The following CASKIN2 variants were observed in gnomAD, a reference collection of about 807,000 sequenced individuals.
CASKIN2 encodes the protein CASK interacting protein 2.
CASKIN2 carries 41 observed loss-of-function variants against 107.1 expected under a neutral mutation model. The ratio of observed to expected loss-of-function variants is 0.38; its 90% CI spans 0.30 to 0.50. CASKIN2 has a LOEUF of 0.50. CASKIN2 is among the 20% of genes least tolerant of loss of function. The probability of loss-of-function intolerance (pLI) is 0.92; values close to 1 mark genes in which losing one functional copy is unlikely to be tolerated. For missense variants in CASKIN2, 1,546 were observed against 1,657.4 expected (o/e 0.93, Z 1.17); for synonymous variants, 724 against 705.6 (o/e 1.03, Z -0.41).
intron 13 of CASKIN2, 52 bp downstream of exon 13, chr17:75,504,368 C>G (rs1341504599): frequency 6.3e-7 from 1 of 1,597,670 alleles, no homozygotes; most frequent in African/African-American, 1.3e-5. Context: ...CCACCCTCGG[C>G]CTCCTTACTT....
At chr17:75,511,280 C>T (rs1487104239) in intron 2 of CASKIN2, among the ~76,000 whole-genome samples, 4 of 152,062 alleles carry the variant, frequency 2.6e-5, no homozygotes, top group African/African-American at 4.8e-5. Context: ...AGGCTGGTCT[C>T]GAACTCCTGA....
In CASKIN2 at chr17:75,503,369, G is replaced by A. The variant is rs1259048077; in HGVS notation, c.1819+20C>T. The A allele has an allele frequency of 3.1e-6, 5 of 1,603,708 alleles. No individual in the cohort carries two copies. The African/African-American group carries it at 5.4e-5, about 17-fold the overall frequency. On this transcript the variant is annotated intron_variant, in intron 17 of 19. Transcript: ENST00000321617. Reference sequence around the variant, plus strand: ...CCGGAGGCAGGTGGGGGCCCAGCCAGGCCTCAGGACAGTCCTTACCGAGCT... The same window carrying A: ...CCGGAGGCAGGTGGGGGCCCAGCCAAGCCTCAGGACAGTCCTTACCGAGCT...
chr17:75,503,972 G>C lies in CASKIN2; in HGVS notation c.1468-10C>G. The C allele has an allele frequency of 6.2e-7, 1 of 1,603,360 alleles. No individual in the cohort carries two copies. Among genetic ancestry groups the C allele is most frequent in the Admixed American group, 1.7e-5 (1 of 59,254 alleles). The stretch of plus-strand genomic sequence containing the variant: ...GAATGGCCTGCGCGTCCTGCGGGGT[G>C]GGGGAAGGGGGCAGAATTAGCAGGA... On this transcript the variant is annotated splice_polypyrimidine_tract_variant and intron_variant, in intron 14 of 19. Coordinates refer to ENST00000321617, the MANE Select transcript of CASKIN2 (RefSeq NM_020753.5).
Position 75,505,749 on chromosome 17 carries a change from T to TC in CASKIN2, c.835+71dup. On this transcript the variant is annotated intron_variant, in intron 9 of 19. Coordinates refer to ENST00000321617, the MANE Select transcript of CASKIN2 (RefSeq NM_020753.5). This position sits in a 1 kb window ranked among gnomAD's most constrained non-coding sequence, Gnocchi z 5.1. ...ACAACCCTCCCCCAGGGACGTCCACTCCCCCTCCACATCCTGGTACCACTT... is the reference window on the plus strand; with the variant it reads ...ACAACCCTCCCCCAGGGACGTCCACTCCCCCCTCCACATCCTGGTACCACTT... 6.6e-7 allele frequency: 1 copy of TC among 1,520,918 alleles called. No individual in the cohort carries two copies. The highest frequency in any genetic ancestry group is 9.1e-7 in the Non-Finnish European group (1 of 1,104,968). The allele number at this position is 1,520,918 out of a possible 1,614,324, so 94.2% of individuals were successfully genotyped here. A position where few individuals can be genotyped will look rare whatever the true frequency, so the allele number is the denominator to read the frequency against.
chr17:75,504,490 A>T lies in CASKIN2; in HGVS notation c.1315-10T>A. The stretch of plus-strand genomic sequence containing the variant: ...CAGCAGAGGGCAGTGGCTGGAGGAG[A>T]CAGGGCAGGAGCCAACTCAGCATTT... On this transcript the variant is annotated splice_polypyrimidine_tract_variant and intron_variant, in intron 12 of 19. Transcript: ENST00000321617. The T allele has an allele frequency of 6.2e-7, 1 of 1,603,184 alleles. No individual in the cohort carries two copies. Among genetic ancestry groups the T allele is most frequent in the Non-Finnish European group, 8.5e-7 (1 of 1,172,154 alleles).
Position 75,506,158 on chromosome 17 carries a change from G to C in CASKIN2, c.726+147C>G, listed in dbSNP as rs549340285. On this transcript the variant is annotated intron_variant, in intron 8 of 19. Coordinates refer to ENST00000321617, the MANE Select transcript of CASKIN2 (RefSeq NM_020753.5). This position sits in a 1 kb window ranked among gnomAD's most constrained non-coding sequence, Gnocchi z 4.8. Reference sequence around the variant, plus strand: ...CCCCCGATCCATCTGCACCGCCTCGGCACCATTCAGAAGGAAGTCAGGCCT... The same window carrying C: ...CCCCCGATCCATCTGCACCGCCTCGCCACCATTCAGAAGGAAGTCAGGCCT... 1 of 754,706 alleles carries C rather than the reference G, an allele frequency of 1.3e-6. No homozygotes were observed. The highest frequency in any genetic ancestry group is 1.8e-5 in the South Asian group (1 of 56,238). The allele number at this position is 754,706 out of a possible 1,614,324, so 46.8% of individuals were successfully genotyped here.
chr17:75,504,903 G>A lies in CASKIN2; in HGVS notation c.1101C>T (p.Phe367=). The A allele has an allele frequency of 6.7e-7, 1 of 1,484,772 alleles. No homozygotes were observed. Among genetic ancestry groups the A allele is most frequent in the Non-Finnish European group, 9.2e-7 (1 of 1,088,226 alleles). 92.0% of individuals were successfully genotyped at this position (1,484,772 alleles called of 1,614,324 possible). A position where few individuals can be genotyped will look rare whatever the true frequency, so the allele number is the denominator to read the frequency against. The stretch of plus-strand genomic sequence containing the variant: ...CGGCAGGAGGCTGCGGTGTCCGGGA[G>A]AAGCCTGGGCGCAGGGGGGTGGGTG... ...PSAPTPLRPG[F]SRTPQPPAEE... is the part of the protein sequence containing the mutation. The change falls in exon 11 of 20, where the codon TTC becomes TTT. Residue 367 remains phenylalanine, a synonymous_variant. Coordinates refer to ENST00000321617, the MANE Select transcript of CASKIN2 (RefSeq NM_020753.5).
intron 3 of CASKIN2, among the ~76,000 whole-genome samples, 172 bp downstream of exon 3, chr17:75,508,062 C>A (rs2053284529): frequency 6.6e-6 from 1 of 152,130 alleles, no homozygotes; most frequent in Non-Finnish European, 1.5e-5. Context: ...GGCGGGTGCC[C>A]CCTCCCTCCA....
At position 75,503,090 on chromosome 17, in the gene CASKIN2, G is replaced by A. The variant is rs769079980; in HGVS notation, c.1984C>T (p.Pro662Ser). The change falls in exon 18 of 20, where the codon CCA becomes TCA. Residue 662 changes from proline to serine, a missense_variant. Physicochemically the swap from Pro to Ser is moderately conservative, Grantham distance 74. Transcript: ENST00000321617. ...CTGCCCTGGAAGGTGAGGAGCCGTG[G>A]GCCAGCTGTAGCTGGGCCTTCTCCG... ...ENGEGPATAG[P>S]RLLTFQGSEL... The A allele has an allele frequency of 1.2e-6, 2 of 1,607,394 alleles. No homozygotes were observed. The highest frequency in any genetic ancestry group is 8.5e-7 in the Non-Finnish European group (1 of 1,178,674).
Position 75,506,220 on chromosome 17 carries a change from C to T in CASKIN2, c.726+85G>A. ...CCCATGCAAAAACCACGCTGGAGTC[C>T]TCCGTCCCGTACCTCCCCAGCCAGT... is the stretch of plus-strand genomic sequence containing the variant. On this transcript the variant is annotated intron_variant, in intron 8 of 19. Coordinates refer to ENST00000321617, the MANE Select transcript of CASKIN2 (RefSeq NM_020753.5). The surrounding 1 kb of genome is among the most constrained non-coding windows in gnomAD (Gnocchi z 4.8). The T allele has an allele frequency of 8.2e-7, 1 of 1,219,694 alleles. No homozygotes were observed. The highest frequency in any genetic ancestry group is 1.2e-6 in the Non-Finnish European group (1 of 851,792). 75.6% of individuals were successfully genotyped at this position (1,219,694 alleles called of 1,614,324 possible).
intron 3 of CASKIN2, 41 bp from the exon 4 acceptor site, chr17:75,507,722 G>C (rs756286602): frequency 2.1e-6 from 3 of 1,457,488 alleles, no homozygotes; most frequent in Non-Finnish European, 2.9e-6. Context: ...TTGGTGGGCA[G>C]CCCCCACCCC....
At chr17:75,511,805 C>T (rs1277005804) in intron 2 of CASKIN2, among the ~76,000 whole-genome samples, 1 of 152,228 alleles carries the variant, frequency 6.6e-6, no homozygotes, top group Non-Finnish European at 1.5e-5. Context: ...GCCTAAGAGC[C>T]CAGCTCTGCA....
At chr17:75,507,894 G>A (rs954961834) in intron 3 of CASKIN2, 12 of 577,192 alleles carry the variant, frequency 2.1e-5, no homozygotes, top group South Asian at 1.1e-4. Flanking sequence ...TCGCCCCCCC[G>A]CCTCCCAGCT....
In CASKIN2 at chr17:75,505,020, C is replaced by T. The variant is rs147378527; in HGVS notation, c.984G>A (p.Gln328=). Residue 328 remains glutamine, a synonymous_variant, in exon 11 of 20, where the codon CAG becomes CAA. Coordinates refer to ENST00000321617, the MANE Select transcript of CASKIN2 (RefSeq NM_020753.5). This position sits in a 1 kb window ranked among gnomAD's most constrained non-coding sequence, Gnocchi z 5.1. The part of the protein sequence containing the change: ...GRWKGHIHES[Q]RGTDRIGYFP... Reference sequence around the variant, plus strand: ...AGTAGCCTATGCGGTCTGTGCCCCTCTGGCTCTCGTGGATGTGGCCCTTCC... The same window carrying T: ...AGTAGCCTATGCGGTCTGTGCCCCTTTGGCTCTCGTGGATGTGGCCCTTCC... The T allele has an allele frequency of 1.2e-5, 20 of 1,612,186 alleles. No homozygotes were observed. In the African/African-American group the frequency reaches 2.3e-4, roughly 18 times the overall value.
chr17:75,512,635 C>T (rs1030353281), intron 2 of CASKIN2, among the ~76,000 whole-genome samples: 2 of 152,078 alleles, frequency 1.3e-5, no homozygotes, highest in Admixed American at 6.6e-5. Flanking sequence ...TGGCCTGGTG[C>T]GGTGGCTCAT....
intron 2 of CASKIN2, among the ~76,000 whole-genome samples, chr17:75,513,211 G>A (rs982246253): frequency 1.3e-5 from 2 of 152,082 alleles, no homozygotes; most frequent in African/African-American, 4.8e-5. Flanking sequence ...CTACCTAGGT[G>A]GGTGGATCAC....
intron 2 of CASKIN2, 46 bp downstream of exon 2, chr17:75,513,665 C>G (rs1346438521): frequency 1.9e-5 from 21 of 1,103,620 alleles, no homozygotes; most frequent in Non-Finnish European, 5.5e-6. Context: ...CCTCTGTGAA[C>G]TGAGCGCTCG....
rs200413561 is a variant in CASKIN2, at chr17:75,504,879, G to C, written c.1125C>G (p.Ala375=). Residue 375 remains alanine, a synonymous_variant, in exon 11 of 20, where the codon GCC becomes GCG. Transcript: ENST00000321617. ...AGGTAAGAGGGTGCGGGGGTTCTTC[G>C]GCAGGAGGCTGCGGTGTCCGGGAGA... ...PGFSRTPQPP[A]EEPPHPLTYS... The C allele has an allele frequency of 6.2e-7, 1 of 1,611,098 alleles. No individual in the cohort carries two copies. The highest frequency in any genetic ancestry group is 2.2e-5 in the East Asian group (1 of 44,830).
Position 75,505,893 on chromosome 17 carries a change from G to A in CASKIN2, c.763C>T (p.Gln255Ter). 1 of 1,613,578 alleles carries A rather than the reference G, an allele frequency of 6.2e-7. No homozygotes were observed. ...TGATTCACTATGTCCAGCGCCGTCT[G>A]GTTATACGTATTCCGGATGTTCACG... ...VDVNIRNTYN[Q>*]TALDIVNQFT... The change falls in exon 9 of 20, where the codon CAG becomes TAG. Residue 255 changes from glutamine to a stop codon, truncating the protein, a stop_gained. Coordinates refer to ENST00000321617, the MANE Select transcript of CASKIN2 (RefSeq NM_020753.5). LOFTEE classifies it high-confidence loss of function. This position sits in a 1 kb window ranked among gnomAD's most constrained non-coding sequence, Gnocchi z 5.1.
Sources: allele counts gnomAD v4.1 joint callset (sites outside exome capture counted in the v4.1 genomes callset), GRCh38; gene constraint gnomAD v4.1.1; non-coding constraint Gnocchi (gnomAD v3.1); transcripts MANE v1.5; gene names NCBI Gene and HGNC (gene_info 2026-07-23, HGNC 2026-07-21).